ANP32E: variants seen among roughly 807,000 people sequenced by gnomAD.
ANP32E encodes acidic nuclear phosphoprotein 32 family member E, also known as acidic leucine-rich nuclear phosphoprotein 32 family member E.
In ANP32E, 14 loss-of-function variants were observed where a neutral mutation model predicts 35.3. That is an observed-to-expected ratio of 0.40 (90% CI 0.26 to 0.62). ANP32E has a LOEUF of 0.62. Among genes scored for constraint, ANP32E ranks in the 20% least tolerant of loss-of-function variants. ANP32E has a pLI of 0.45. For synonymous variants in ANP32E, 89 were observed against 110.4 expected, an observed-to-expected ratio of 0.81 and a Z score of 1.22; for missense variants, 198 against 304.4, an observed-to-expected ratio of 0.65 and a Z score of 2.60.
At position 150,235,875 on chromosome 1, in the gene ANP32E, A is replaced by AAAT; in HGVS notation, c.-92_-90dup. The AAAT allele has an allele frequency of 1.1e-6, 1 of 911,202 alleles. No individual in the cohort carries two copies. The highest frequency in any genetic ancestry group is 2.2e-5 in the Admixed American group (1 of 45,028). The allele number at this position is 911,202 out of a possible 1,614,324, so 56.4% of individuals were successfully genotyped here. A position where few individuals can be genotyped will look rare whatever the true frequency, so the allele number is the denominator to read the frequency against. On this transcript the variant is annotated 5_prime_UTR_variant, in exon 1 of 7. Coordinates refer to ENST00000583931, the MANE Select transcript of ANP32E (RefSeq NM_030920.5). This position sits in a 1 kb window ranked among gnomAD's most constrained non-coding sequence, Gnocchi z 4.2. ...AACCCAAAATTTTTAAGAGATTTAG[A>AAAT]AATGAATGAAAAGGAACGCAAATAT...
At chr1:150,224,813 T>C (rs1244186720) in intron 5 of ANP32E, among the ~76,000 whole-genome samples, 1 of 152,226 alleles carries the variant, frequency 6.6e-6, no homozygotes, top group Non-Finnish European at 1.5e-5. Flanking sequence ...CTTTAAATTA[T>C]GAGTTTTTAA....
At chr1:150,222,669 G>C (rs1421701948) in intron 6 of ANP32E, among the ~76,000 whole-genome samples, 1 of 151,262 alleles carries the variant, frequency 6.6e-6, no homozygotes, top group African/African-American at 2.4e-5. Context: ...GAGATGGGGG[G>C]ATCACCTGAG....
intron 2 of ANP32E, 139 bp from the exon 3 acceptor site, chr1:150,230,832 C>A: frequency 1.5e-6 from 1 of 686,780 alleles, no homozygotes; most frequent in Non-Finnish European, 2.2e-6. Context: ...ACCTCCGCCT[C>A]CTGGGTTCAA....
chr1:150,224,226 GA>G (rs1648688635), intron 5 of ANP32E, among the ~76,000 whole-genome samples: 1 of 151,706 alleles, frequency 6.6e-6, no homozygotes, highest in African/African-American at 2.4e-5. Flanking sequence ...GGAGAGACAA[GA>G]AAAAAAGGGG....
intron 1 of ANP32E, chr1:150,234,434 A>ATTTC (rs1649610784): frequency 1.5e-5 from 4 of 266,692 alleles, no homozygotes; most frequent in Non-Finnish European, 2.3e-5. Flanking sequence ...CTTAAAAAAA[A>ATTTC]AAAAAAAATC....
chr1:150,222,562 T>C (rs1370528229), intron 6 of ANP32E, among the ~76,000 whole-genome samples: 1 of 151,318 alleles, frequency 6.6e-6, no homozygotes, highest in Non-Finnish European at 1.5e-5. Flanking sequence ...CAACAAAGCC[T>C]GGGCAATATG....
chr1:150,224,550 G>T (rs1007770383), intron 5 of ANP32E, among the ~76,000 whole-genome samples: 2 of 148,154 alleles, frequency 1.3e-5, no homozygotes, highest in Admixed American at 6.9e-5. Context: ...TCCAGCCTGG[G>T]CGACAAGAAC....
At chr1:150,231,083 A>C (rs1649313762) in intron 2 of ANP32E, among the ~76,000 whole-genome samples, 1 of 152,178 alleles carries the variant, frequency 6.6e-6, no homozygotes, top group African/African-American at 2.4e-5. Context: ...AAGAAAAAAA[A>C]CTGTCATTCT....
Position 150,230,611 on chromosome 1 carries a change from C to A in ANP32E, c.287G>T (p.Ser96Ile). Reference protein sequence around the residue: ...KCPNLTYLNLSGNKIKDLSTV... With the variant: ...KCPNLTYLNLIGNKIKDLSTV... The stretch of plus-strand genomic sequence containing the variant: ...ACTGAGATCTTTTATTTTGTTTCCA[C>A]TCAGATTGAGGTAGGTAAGATTTGG... Residue 96 changes from serine (S) to isoleucine (I), a missense_variant, in exon 3 of 7, where the codon AGT becomes ATT. By Grantham distance (142) the Ser-to-Ile change is moderately radical. Coordinates refer to ENST00000583931, the MANE Select transcript of ANP32E (RefSeq NM_030920.5). 1 of 1,613,608 alleles carries A rather than the reference C, an allele frequency of 6.2e-7. No homozygotes were observed. The highest frequency in any genetic ancestry group is 8.5e-7 in the Non-Finnish European group (1 of 1,179,720).
At chr1:150,230,963 G>C (rs1374016584) in intron 2 of ANP32E, among the ~76,000 whole-genome samples, 2 of 151,988 alleles carry the variant, frequency 1.3e-5, no homozygotes, top group African/African-American at 2.4e-5. Flanking sequence ...GGCTGGTCTC[G>C]AACTCCTGAC....
chr1:150,231,005 A>G (rs1553841587), intron 2 of ANP32E, among the ~76,000 whole-genome samples: 1 of 152,200 alleles, frequency 6.6e-6, no homozygotes, highest in Non-Finnish European at 1.5e-5. Context: ...GGCCTCCCAA[A>G]GTGCTGGGAT....
chr1:150,229,622 G>T (rs1370844544), intron 3 of ANP32E, among the ~76,000 whole-genome samples: 1 of 152,204 alleles, frequency 6.6e-6, no homozygotes, highest in East Asian at 1.9e-4. Context: ...GGGATTACAG[G>T]CATGCGCCTC....
At position 150,230,551 on chromosome 1, in the gene ANP32E, G is replaced by T. The variant is rs782781989; in HGVS notation, c.327+20C>A. Reference sequence around the variant, plus strand: ...TTTAACCAAAAAAAGCAAGTCCAGAGACAAAACTGTTCCACTTACCAGAGC... The same window carrying T: ...TTTAACCAAAAAAAGCAAGTCCAGATACAAAACTGTTCCACTTACCAGAGC... On this transcript the variant is annotated intron_variant, in intron 3 of 6. Transcript: ENST00000583931. 4 of 1,576,240 alleles carry T rather than the reference G, an allele frequency of 2.5e-6. No homozygotes were observed. Among genetic ancestry groups the T allele is most frequent in the African/African-American group, 1.4e-5 (1 of 73,456 alleles).
chr1:150,224,079 T>C (rs1374137714), intron 5 of ANP32E, among the ~76,000 whole-genome samples: 1 of 152,130 alleles, frequency 6.6e-6, no homozygotes, highest in Non-Finnish European at 1.5e-5. Context: ...ATCATTCTTA[T>C]ACAATCAGTT....
Position 150,229,418 on chromosome 1 carries a change from C to A in ANP32E, c.328-181G>T, listed in dbSNP as rs587748617. Among the ~76,000 whole-genome samples, 8 of 151,354 alleles carry A rather than the reference C, an allele frequency of 5.3e-5. No individual in the cohort carries two copies. In the East Asian group the frequency reaches 1.2e-3, roughly 22 times the overall value. ...GTTCAAGCGATTCTCTTGCCTCAGC[C>A]TCCCGAGTAGCTGGGACTACAGGTG... is the stretch of plus-strand genomic sequence containing the variant. On this transcript the variant is annotated intron_variant, in intron 3 of 6. Coordinates refer to ENST00000583931, the MANE Select transcript of ANP32E (RefSeq NM_030920.5).
rs1289511278 is a variant in ANP32E at position 150,235,210 on chromosome 1, G to C, written c.54+523C>G. On this transcript the variant is annotated intron_variant, in intron 1 of 6. Coordinates refer to ENST00000583931, the MANE Select transcript of ANP32E (RefSeq NM_030920.5). This position sits in a 1 kb window ranked among gnomAD's most constrained non-coding sequence, Gnocchi z 4.2. ...GGCGCCGCCGGAGCAGACAGTGCGC[G>C]GACCCTGCAAGCGACCCCAGCCCGC... Among the ~76,000 whole-genome samples the C allele has an allele frequency of 1.3e-5, 2 of 152,218 alleles. No individual in the cohort carries two copies. The highest frequency in any genetic ancestry group is 6.5e-5 in the Admixed American group (1 of 15,290).
intron 3 of ANP32E, 45 bp downstream of exon 3, chr1:150,230,526 T>C: frequency 6.6e-7 from 1 of 1,513,158 alleles, no homozygotes; most frequent in South Asian, 1.3e-5. Context: ...TCTCAGAAAA[T>C]TTAACCAAAA....
In ANP32E at chr1:150,220,578, A is replaced by C; in HGVS notation, c.*113T>G. On this transcript the variant is annotated 3_prime_UTR_variant, in exon 7 of 7. Transcript: ENST00000583931. ...AAAATAGTAAAACCACACTTTTCCT[A>C]TAAAAAGTTACACATTATCTTCTGT... The C allele has an allele frequency of 1.0e-6, 1 of 998,786 alleles. No individual in the cohort carries two copies. The highest frequency in any genetic ancestry group is 2.2e-4 in the Middle Eastern group (1 of 4,642). The allele number at this position is 998,786 out of a possible 1,614,324, so 61.9% of individuals were successfully genotyped here.
rs1158768462 is a variant in ANP32E, at chr1:150,224,621, T to C, written c.682-1381A>G. Among the ~76,000 whole-genome samples the C allele has an allele frequency of 2.0e-5, 3 of 152,058 alleles. No homozygotes were observed. The East Asian group carries it at 5.8e-4, about 29-fold the overall frequency. ...TTAAAGTTCTGTTCTTCATTATATA[T>C]AGCTCCTAACTCGCCAAGACCCCAA... On this transcript the variant is annotated intron_variant, in intron 5 of 6. Coordinates refer to ENST00000583931, the MANE Select transcript of ANP32E (RefSeq NM_030920.5).
Sources: gnomAD v4.1 joint callset for allele counts (sites outside exome capture counted in the v4.1 genomes callset) on GRCh38, gnomAD v4.1.1 for gene constraint, Gnocchi (gnomAD v3.1) non-coding constraint, MANE v1.5 for transcripts, NCBI Gene and HGNC (gene_info 2026-07-23, HGNC 2026-07-21) for gene names.